The following DMD variants were observed in gnomAD, a reference collection of about 807,000 sequenced individuals.
The protein encoded by DMD is dystrophin, also known as mutant dystrophin.
A neutral mutation model predicts 330.1 loss-of-function variants in DMD; 63 were observed. The ratio of observed to expected loss-of-function variants is 0.19; its 90% CI spans 0.16 to 0.24. DMD has a LOEUF of 0.24. DMD is among the 10% of genes least tolerant of loss of function. The probability of loss-of-function intolerance (pLI) is 1.00; values close to 1 mark genes in which losing one functional copy is unlikely to be tolerated. For missense variants in DMD, 3,344 were observed against 2,684.1 expected (o/e 1.25, Z -5.43); for synonymous variants, 1,223 against 959.8 (o/e 1.27, Z -5.07).
At chrX:33,108,805 G>A (rs1406692141) in intron 1 of DMD, among the ~76,000 whole-genome samples, 1 of 95,174 alleles carries the variant, frequency 1.1e-5, no homozygotes, top group Admixed American at 1.3e-4. Context: ...GGTGGAGGTT[G>A]CAGTGAGCCG....
chrX:32,252,653 CAAATATATAAATAT>C (rs2097269216), intron 43 of DMD, among the ~76,000 whole-genome samples: 1 of 23,060 alleles, frequency 4.3e-5, no homozygotes, highest in African/African-American at 1.7e-4. Flanking sequence ...TATATAAATA[CAAATATATAAATAT>C]ATATATATAA....
At chrX:32,373,779 C>G (rs1260664852) in intron 34 of DMD, among the ~76,000 whole-genome samples, 1 of 111,594 alleles carries the variant, frequency 9.0e-6, no homozygotes, top group Non-Finnish European at 1.9e-5. Context: ...GCATTCTTCT[C>G]TATTAGGAAG....
chrX:32,590,211 C>T (rs752033704), intron 13 of DMD, among the ~76,000 whole-genome samples: 1 of 112,111 alleles, frequency 8.9e-6, no homozygotes, highest in South Asian at 3.7e-4. Flanking sequence ...ATCTCATCTG[C>T]AAAAATTATT....
chrX:31,664,226 G>A (rs939495048), intron 53 of DMD, among the ~76,000 whole-genome samples: 1 of 111,229 alleles, frequency 9.0e-6, no homozygotes, highest in Non-Finnish European at 1.9e-5. Flanking sequence ...CTCATCTCAG[G>A]AGGAGAATGA....
intron 9 of DMD, among the ~76,000 whole-genome samples, chrX:32,679,457 G>T (rs922865427): frequency 1.8e-5 from 2 of 111,162 alleles, no homozygotes; most frequent in East Asian, 2.8e-4. Context: ...ACTCTTTCTG[G>T]TTTTTTGTCC....
chrX:31,372,372 G>A (rs1324474830), intron 60 of DMD, among the ~76,000 whole-genome samples: 2 of 111,885 alleles, frequency 1.8e-5, no homozygotes, highest in Non-Finnish European at 3.8e-5. Context: ...TGGTGTCAGC[G>A]GGAATGATAA....
intron 5 of DMD, among the ~76,000 whole-genome samples, chrX:32,820,902 A>G (rs1426503332): frequency 8.9e-6 from 1 of 111,862 alleles, no homozygotes; most frequent in Non-Finnish European, 1.9e-5. Context: ...TCTATCTTAC[A>G]TACAATGGAT....
In DMD at chrX:32,256,392, G is replaced by C. The variant is rs141483284; in HGVS notation, c.6290+31137C>G. Reference sequence around the variant, plus strand: ...AAATATTCCGCCATCCCTTTGCTTTGAGCCTATGTGTGTGTTTGCATGTGA... The same window carrying C: ...AAATATTCCGCCATCCCTTTGCTTTCAGCCTATGTGTGTGTTTGCATGTGA... On this transcript the variant is annotated intron_variant, in intron 43 of 78. Coordinates refer to ENST00000357033, the MANE Select transcript of DMD (RefSeq NM_004006.3). Among the ~76,000 whole-genome samples the C allele has an allele frequency of 4.3e-4, 44 of 103,109 alleles. 1 individual carries two copies. The East Asian group carries it at 0.013, about 30-fold the overall frequency. 89.5% of individuals were successfully genotyped at this position (103,109 alleles called of 115,157 possible). A position where few individuals can be genotyped will look rare whatever the true frequency, so the allele number is the denominator to read the frequency against.
At chrX:32,436,878 G>A (rs1184493026) in intron 29 of DMD, among the ~76,000 whole-genome samples, 3 of 109,797 alleles carry the variant, frequency 2.7e-5, no homozygotes, top group African/African-American at 1.0e-4. Flanking sequence ...CCTGAGCCCA[G>A]GGAGGTCGAG....
At chrX:32,127,322 T>G (rs1371219164) in intron 44 of DMD, among the ~76,000 whole-genome samples, 1 of 111,740 alleles carries the variant, frequency 8.9e-6, no homozygotes, top group Non-Finnish European at 1.9e-5. Flanking sequence ...CATGTAGCTC[T>G]TGGAAATCAG....
intron 1 of DMD, among the ~76,000 whole-genome samples, chrX:33,027,625 G>C (rs1465270155): frequency 8.9e-6 from 1 of 112,352 alleles, no homozygotes; most frequent in Non-Finnish European, 1.9e-5. Context: ...AGTGTCTCTA[G>C]CTTTTTTCCT....
At chrX:32,405,424 T>C (rs1651793525) in intron 30 of DMD, among the ~76,000 whole-genome samples, 1 of 112,331 alleles carries the variant, frequency 8.9e-6, no homozygotes, top group South Asian at 3.6e-4. Flanking sequence ...TTGTTACATT[T>C]TTAATCATAG....
At chrX:33,009,172 GTGTATATATACGTATATATGT>G (rs1267797066) in intron 2 of DMD, among the ~76,000 whole-genome samples, 2 of 31,070 alleles carry the variant, frequency 6.4e-5, no homozygotes, top group Non-Finnish European at 1.2e-4. Flanking sequence ...GTATATATAT[GTGTATATATACGTATATATGT>G]ATATATGTGT....
At chrX:32,381,566 C>A (rs183314326) in intron 33 of DMD, among the ~76,000 whole-genome samples, 1 of 111,631 alleles carries the variant, frequency 9.0e-6, no homozygotes, top group African/African-American at 3.2e-5. Flanking sequence ...AAAGGCAAAT[C>A]TTCTTGCCTC....
chrX:33,110,148 AT>A (rs1356776574), intron 1 of DMD, among the ~76,000 whole-genome samples: 12 of 110,384 alleles, frequency 1.1e-4, no homozygotes, highest in Non-Finnish European at 1.9e-5. Context: ...CAAATCAAAA[AT>A]TTCCTCTTCA....
chrX:31,289,500 A>T (rs2053527286), intron 62 of DMD, among the ~76,000 whole-genome samples: 1 of 110,793 alleles, frequency 9.0e-6, no homozygotes, highest in South Asian at 3.8e-4. Flanking sequence ...CACTTAAAAC[A>T]AGATGAACAG....
intron 60 of DMD, among the ~76,000 whole-genome samples, chrX:31,356,679 T>C (rs1187183318): frequency 8.9e-6 from 1 of 112,417 alleles, no homozygotes; most frequent in Non-Finnish European, 1.9e-5. Flanking sequence ...ACTTTGGATG[T>C]TTGTTTATTG....
intron 1 of DMD, among the ~76,000 whole-genome samples, chrX:33,307,803 A>G (rs979324077): frequency 3.6e-5 from 4 of 111,786 alleles, no homozygotes; most frequent in African/African-American, 1.3e-4. Flanking sequence ...GTTAGGGTAG[A>G]AAGCAGTCAC....
At chrX:32,513,344 T>A (rs984632985) in intron 18 of DMD, among the ~76,000 whole-genome samples, 2 of 112,232 alleles carry the variant, frequency 1.8e-5, no homozygotes, top group African/African-American at 6.5e-5. Flanking sequence ...TATGTTCGCT[T>A]TGGCAGAGGT....
Sources: gnomAD v4.1 joint callset for allele counts (sites outside exome capture counted in the v4.1 genomes callset) on GRCh38, gnomAD v4.1.1 for gene constraint, MANE v1.5 for transcripts, NCBI Gene and HGNC (gene_info 2026-07-23, HGNC 2026-07-21) for gene names.